PTAFR: variants seen among roughly 807,000 people sequenced by gnomAD.
PTAFR encodes platelet-activating factor receptor.
PTAFR carries 8 observed loss-of-function variants against 14.7 expected under a neutral mutation model. The observed-to-expected ratio is 0.54, with a 90% CI of 0.32 to 0.98. The LOEUF is 0.98. Ranked by LOEUF, PTAFR falls within the 50% of genes least tolerant of loss-of-function variation. The pLI is 0.04. For missense variants in PTAFR, 337 were observed against 451.2 expected, an observed-to-expected ratio of 0.75 and a Z score of 2.29; for synonymous variants, 156 against 176.5, an observed-to-expected ratio of 0.88 and a Z score of 0.92.
chr1:28,159,068 A>G (rs1646296907), intron 1 of PTAFR, among the ~76,000 whole-genome samples: 1 of 152,220 alleles, frequency 6.6e-6, no homozygotes, highest in Non-Finnish European at 1.5e-5. Context: ...GAGAACTGCC[A>G]GGTGTCTGGG....
rs547111759 is a variant in PTAFR, at chr1:28,147,681, C to T, written c.*2312G>A. On this transcript the variant is annotated 3_prime_UTR_variant, in exon 2 of 2. Transcript: ENST00000373857. ...CAGCCTCCCTAAATCTAGATGCCCA[C>T]CTCTCATCCTTTCAGCTCCCATCAG... 6.6e-6 allele frequency: 1 copy of T among 152,308 alleles called. No homozygotes were observed. The highest frequency in any genetic ancestry group is 6.5e-5 in the Admixed American group (1 of 15,284). The allele number at this position is 152,308 out of a possible 1,614,324, so 9.4% of individuals were successfully genotyped here. A position where few individuals can be genotyped will look rare whatever the true frequency, so the allele number is the denominator to read the frequency against.
At chr1:28,192,357 C>G (rs552943073) in intron 1 of PTAFR, among the ~76,000 whole-genome samples, 1 of 151,722 alleles carries the variant, frequency 6.6e-6, no homozygotes, top group African/African-American at 2.4e-5. Flanking sequence ...GTCAGGAGTT[C>G]GAGACCAGCC....
In PTAFR at chr1:28,147,203, A is replaced by C. The variant is rs563257958; in HGVS notation, c.*2790T>G. 1 of 152,348 alleles carries C rather than the reference A, an allele frequency of 6.6e-6. No homozygotes were observed. The highest frequency in any genetic ancestry group is 2.1e-4 in the South Asian group (1 of 4,830). The allele number at this position is 152,348 out of a possible 1,614,324, so 9.4% of individuals were successfully genotyped here. A position where few individuals can be genotyped will look rare whatever the true frequency, so the allele number is the denominator to read the frequency against. ...AAACTTCTTTATTAAGTAAATGGAC[A>C]GTTGGTACACAGATATTGCAAAAAT... On this transcript the variant is annotated 3_prime_UTR_variant, in exon 2 of 2. Transcript: ENST00000373857.
At chr1:28,173,599 T>C (rs1646477567) in intron 1 of PTAFR, among the ~76,000 whole-genome samples, 1 of 146,724 alleles carries the variant, frequency 6.8e-6, no homozygotes, top group South Asian at 2.2e-4. Context: ...TGCAGTGAGG[T>C]GTGATCACGC....
At chr1:28,169,534 T>G (rs868052096) in intron 1 of PTAFR, among the ~76,000 whole-genome samples, 8 of 152,180 alleles carry the variant, frequency 5.3e-5, no homozygotes, top group African/African-American at 1.2e-4. Context: ...TCAGACTCTG[T>G]AGTCAGACAA....
At chr1:28,190,820 G>T (rs1646646200) in intron 1 of PTAFR, among the ~76,000 whole-genome samples, 1 of 151,940 alleles carries the variant, frequency 6.6e-6, no homozygotes, top group Non-Finnish European at 1.5e-5. Context: ...TTCTCTCTTG[G>T]GCTCTCTCTC....
intron 1 of PTAFR, among the ~76,000 whole-genome samples, chr1:28,193,551 T>C (rs999735193): frequency 2.6e-5 from 4 of 151,946 alleles, no homozygotes; most frequent in South Asian, 2.1e-4. Flanking sequence ...GCTGTGTCTG[T>C]GGGCAACAAA....
intron 1 of PTAFR, among the ~76,000 whole-genome samples, chr1:28,172,683 A>T (rs1646464831): frequency 6.6e-6 from 1 of 152,192 alleles, no homozygotes; most frequent in African/African-American, 2.4e-5. Flanking sequence ...CCATGCACTA[A>T]GCCAGCTACA....
At chr1:28,155,832 C>T (rs777688432) in intron 1 of PTAFR, among the ~76,000 whole-genome samples, 1 of 152,172 alleles carries the variant, frequency 6.6e-6, no homozygotes, top group Non-Finnish European at 1.5e-5. Flanking sequence ...TTCACTACTG[C>T]ACTCCAGCCT....
intron 1 of PTAFR, among the ~76,000 whole-genome samples, chr1:28,193,281 T>C (rs1646670985): frequency 6.6e-6 from 1 of 151,500 alleles, no homozygotes; most frequent in South Asian, 2.1e-4. Context: ...GATCTGTCAG[T>C]GCAGTTGTGC....
intron 1 of PTAFR, among the ~76,000 whole-genome samples, chr1:28,173,105 CAAAAAAAAA>C (rs68034962): frequency 2.0e-5 from 1 of 50,122 alleles, no homozygotes; most frequent in African/African-American, 6.4e-5. Flanking sequence ...CCCGTTTCCA[CAAAAAAAAA>C]AAAAAAAAAA....
chr1:28,192,534 G>A (rs1353447435), intron 1 of PTAFR, among the ~76,000 whole-genome samples: 1 of 148,068 alleles, frequency 6.8e-6, no homozygotes, highest in Admixed American at 6.7e-5. Flanking sequence ...CTCCAGCCTG[G>A]GCAATGAGAG....
At chr1:28,151,596 G>A (rs764487807) in intron 1 of PTAFR, among the ~76,000 whole-genome samples, 3 of 151,986 alleles carry the variant, frequency 2.0e-5, no homozygotes, top group Non-Finnish European at 2.9e-5. Context: ...GGAGGTCAAG[G>A]CTGAAGTGAG....
chr1:28,181,372 A>G (rs903132120), upstream of PTAFR, among the ~76,000 whole-genome samples: 2 of 152,362 alleles, frequency 1.3e-5, no homozygotes, highest in Middle Eastern at 6.8e-3. Flanking sequence ...CTCCTGTTAC[A>G]GAAGGAAACA....
chr1:28,161,079 G>A (rs1646317754), intron 1 of PTAFR, among the ~76,000 whole-genome samples: 1 of 152,130 alleles, frequency 6.6e-6, no homozygotes, highest in Admixed American at 6.6e-5. Flanking sequence ...TCATTGTCTG[G>A]ATGTTTACTA....
At chr1:28,178,188 A>G (rs997360477), upstream of PTAFR, among the ~76,000 whole-genome samples, 4 of 152,204 alleles carry the variant, frequency 2.6e-5, no homozygotes, top group African/African-American at 9.7e-5. Flanking sequence ...TATCTGGGCC[A>G]GGCTCCTCCT....
Position 28,147,697 on chromosome 1 carries a change from C to T in PTAFR, c.*2296G>A, listed in dbSNP as rs1458141170. On this transcript the variant is annotated 3_prime_UTR_variant, in exon 2 of 2. Transcript: ENST00000373857. ...AGATGCCCACCTCTCATCCTTTCAG[C>T]TCCCATCAGAGGATCAAGGGGCCCA... 1.3e-5 allele frequency: 2 copies of T among 152,212 alleles called. No individual in the cohort carries two copies. The highest frequency in any genetic ancestry group is 2.4e-5 in the African/African-American group (1 of 41,432). 9.4% of individuals were successfully genotyped at this position (152,212 alleles called of 1,614,324 possible).
intron 1 of PTAFR, among the ~76,000 whole-genome samples, chr1:28,156,311 G>A (rs1161421305): frequency 6.7e-6 from 1 of 149,930 alleles, no homozygotes; most frequent in African/African-American, 2.4e-5. Flanking sequence ...GCCATTAAAA[G>A]ATCCCTCCCT....
chr1:28,179,456 T>A (rs1017269005), upstream of PTAFR, among the ~76,000 whole-genome samples: 3 of 152,110 alleles, frequency 2.0e-5, no homozygotes, highest in African/African-American at 4.8e-5. Context: ...GGAAACTGAG[T>A]TCAACTCTTT....
Sources: allele counts gnomAD v4.1 joint callset (sites outside exome capture counted in the v4.1 genomes callset), GRCh38; gene constraint gnomAD v4.1.1; transcripts MANE v1.5; gene names NCBI Gene and HGNC (gene_info 2026-07-23, HGNC 2026-07-21).